Variants in TMEM178B observed in about 807,000 individuals in gnomAD.
The protein encoded by TMEM178B is transmembrane protein 178B.
In TMEM178B, 5 loss-of-function variants were observed where a neutral mutation model predicts 31.0. The observed-to-expected ratio is 0.16, with a 90% CI of 0.08 to 0.34. The LOEUF (loss-of-function observed/expected upper bound fraction) is 0.34, where lower values mean the gene tolerates loss of function less well. Among genes scored for constraint, TMEM178B ranks in the 10% least tolerant of loss-of-function variants. The pLI, the probability that TMEM178B is intolerant of heterozygous loss-of-function variation, is 1.00. For synonymous variants in TMEM178B, 164 were observed against 164.0 expected, an observed-to-expected ratio of 1.00 and a Z score of 0.00; for missense variants, 275 against 400.3, an observed-to-expected ratio of 0.69 and a Z score of 2.67.
intron 2 of TMEM178B, among the ~76,000 whole-genome samples, chr7:141,397,211 TC>T (rs1299402536): frequency 6.6e-6 from 1 of 152,088 alleles, no homozygotes; most frequent in East Asian, 1.9e-4. Flanking sequence ...CCAGCTTCTT[TC>T]CCCCAGAAAT....
intron 2 of TMEM178B, among the ~76,000 whole-genome samples, chr7:141,364,015 T>C (rs910029350): frequency 2.0e-5 from 3 of 152,112 alleles, no homozygotes; most frequent in Admixed American, 6.5e-5. Context: ...GAAGGCTTCA[T>C]ACATCACCTT....
intron 2 of TMEM178B, among the ~76,000 whole-genome samples, chr7:141,216,130 C>G (rs1797140253): frequency 2.0e-5 from 3 of 152,000 alleles, no homozygotes; most frequent in Non-Finnish European, 4.4e-5. Flanking sequence ...TGTCCCTGAC[C>G]TGAATTACAT....
At chr7:141,355,431 A>C (rs866676906) in intron 2 of TMEM178B, among the ~76,000 whole-genome samples, 12 of 152,296 alleles carry the variant, frequency 7.9e-5, no homozygotes, top group Middle Eastern at 6.8e-3. Context: ...GAATTGAGAG[A>C]GATGCAGAGC....
chr7:141,106,678 C>T (rs904317925), intron 1 of TMEM178B, among the ~76,000 whole-genome samples: 1 of 152,226 alleles, frequency 6.6e-6, no homozygotes, highest in Non-Finnish European at 1.5e-5. Flanking sequence ...AAATGCTAAC[C>T]TGTTCCTGGG....
intron 2 of TMEM178B, among the ~76,000 whole-genome samples, chr7:141,227,102 C>T (rs1009484120): frequency 3.3e-5 from 5 of 152,088 alleles, no homozygotes; most frequent in East Asian, 1.9e-4. Context: ...GTGAGAGAGA[C>T]ACCTTAGGGA....
At chr7:141,467,666 G>A (rs1802168853) in intron 3 of TMEM178B, among the ~76,000 whole-genome samples, 1 of 151,900 alleles carries the variant, frequency 6.6e-6, no homozygotes. Flanking sequence ...CCTACATGAA[G>A]GTCAAACTTC....
chr7:141,344,039 CAG>C lies in TMEM178B; in HGVS notation c.497-93567_497-93566del, dbSNP rs1164035580. Among the ~76,000 whole-genome samples the C allele has an allele frequency of 6.6e-6, 1 of 152,128 alleles. No individual in the cohort carries two copies. Among genetic ancestry groups the C allele is most frequent in the Non-Finnish European group, 1.5e-5 (1 of 68,024 alleles). On this transcript the variant is annotated intron_variant, in intron 2 of 3. Transcript: ENST00000565468. This position sits in a 1 kb window ranked among gnomAD's most constrained non-coding sequence, Gnocchi z 4.1. The stretch of plus-strand genomic sequence containing the variant: ...GAGGAAAGGACAGCTTGGATTGTGA[CAG>C]ATTTTAAAATACGGAGTATATGAGA...
chr7:141,381,177 T>C (rs1478166257), intron 2 of TMEM178B, among the ~76,000 whole-genome samples: 1 of 152,234 alleles, frequency 6.6e-6, no homozygotes, highest in Non-Finnish European at 1.5e-5. Flanking sequence ...TTACATGGAA[T>C]TCAGTGATGT....
intron 2 of TMEM178B, among the ~76,000 whole-genome samples, chr7:141,384,533 T>TG (rs958435059): frequency 6.6e-6 from 1 of 152,152 alleles, no homozygotes; most frequent in African/African-American, 2.4e-5. Context: ...TGTAGATGTG[T>TG]GGTATTATTT....
chr7:141,336,139 C>T (rs899954049), intron 2 of TMEM178B, among the ~76,000 whole-genome samples: 7 of 152,136 alleles, frequency 4.6e-5, no homozygotes, highest in African/African-American at 9.7e-5. Flanking sequence ...TCTCGCTGGC[C>T]CCGCCCTGGT....
At chr7:141,208,681 C>T (rs1586826463) in intron 1 of TMEM178B, among the ~76,000 whole-genome samples, 1 of 152,330 alleles carries the variant, frequency 6.6e-6, no homozygotes, top group East Asian at 1.9e-4. Flanking sequence ...TGTGGGTTGG[C>T]TTCTTGCTCT....
chr7:141,107,000 G>C (rs182717879), intron 1 of TMEM178B, among the ~76,000 whole-genome samples: 1 of 152,338 alleles, frequency 6.6e-6, no homozygotes, highest in East Asian at 1.9e-4. Flanking sequence ...TGAAGTTGGG[G>C]TGTTGGTTTG....
rs1457098155 is a variant in TMEM178B at position 141,475,715 on chromosome 7, G to A, written c.*4929G>A. ...CTAAAAGTTTAATGCCAGACCTTAG[G>A]GGCAGGATGGAGCAGGGCTAAAAGA... On this transcript the variant is annotated 3_prime_UTR_variant, in exon 4 of 4. Transcript: ENST00000565468. 1 of 152,176 alleles carries A rather than the reference G, an allele frequency of 6.6e-6. No individual in the cohort carries two copies. The highest frequency in any genetic ancestry group is 1.9e-4 in the East Asian group (1 of 5,190). 9.4% of individuals were successfully genotyped at this position (152,176 alleles called of 1,614,324 possible).
Position 141,074,289 on chromosome 7 carries a change from G to A in TMEM178B, c.-22G>A, listed in dbSNP as rs1324567502. 1.3e-6 allele frequency: 2 copies of A among 1,501,672 alleles called. No individual in the cohort carries two copies. Among genetic ancestry groups the A allele is most frequent in the Non-Finnish European group, 1.8e-6 (2 of 1,127,478 alleles). 93.0% of individuals were successfully genotyped at this position (1,501,672 alleles called of 1,614,324 possible). On this transcript the variant is annotated 5_prime_UTR_variant, in exon 1 of 4. An upstream start codon of the reference 5' UTR is lost. Transcript: ENST00000565468. This position sits in a 1 kb window ranked among gnomAD's most constrained non-coding sequence, Gnocchi z 5.1. ...CGAGGCTGCGGCGGATCATGCCCAT[G>A]GTGTAGCCGCCAAGCGGAGGCATGG...
chr7:141,213,993 T>C (rs1333354272), intron 2 of TMEM178B, among the ~76,000 whole-genome samples: 1 of 152,226 alleles, frequency 6.6e-6, no homozygotes, highest in Non-Finnish European at 1.5e-5. Flanking sequence ...TCAAAGAGGA[T>C]TCCCATGTGC....
intron 1 of TMEM178B, among the ~76,000 whole-genome samples, chr7:141,134,894 A>G (rs180997513): frequency 1.4e-3 from 210 of 152,330 alleles, no homozygotes; most frequent in Non-Finnish European, 2.4e-3. Context: ...ATCTCCCATA[A>G]GTACCACATG....
intron 2 of TMEM178B, among the ~76,000 whole-genome samples, chr7:141,425,911 C>T (rs1416252874): frequency 6.6e-6 from 1 of 152,112 alleles, no homozygotes; most frequent in Non-Finnish European, 1.5e-5. Context: ...AAACTACCTT[C>T]CCCCCCTATC....
At chr7:141,097,201 T>G (rs574326044) in intron 1 of TMEM178B, among the ~76,000 whole-genome samples, 1 of 151,838 alleles carries the variant, frequency 6.6e-6, no homozygotes, top group Non-Finnish European at 1.5e-5. Context: ...CCCTTTCAAC[T>G]GTAATATGAA....
chr7:141,508,544 G>A, the TMEM178B span, among the ~76,000 whole-genome samples: 1 of 152,074 alleles, frequency 6.6e-6, no homozygotes, highest in Non-Finnish European at 1.5e-5. Flanking sequence ...TACTGTATTA[G>A]TCCGTTTTCA....
Sources: gnomAD v4.1 joint callset for allele counts (sites outside exome capture counted in the v4.1 genomes callset) on GRCh38, gnomAD v4.1.1 for gene constraint, Gnocchi (gnomAD v3.1) non-coding constraint, MANE v1.5 for transcripts, NCBI Gene and HGNC (gene_info 2026-07-23, HGNC 2026-07-21) for gene names.